Variants in CREB5 observed in about 807,000 individuals in gnomAD.
CREB5 encodes the protein cyclic AMP-responsive element-binding protein 5.
Under a neutral mutation model 57.1 loss-of-function variants are expected in CREB5, and 19 were observed. The observed-to-expected ratio is 0.33, with a 90% CI of 0.23 to 0.49. The LOEUF is 0.49. Among genes scored for constraint, CREB5 ranks in the 20% least tolerant of loss-of-function variants. The pLI, the probability that CREB5 is intolerant of heterozygous loss-of-function variation, is 0.99. For missense variants in CREB5, 579 were observed against 671.6 expected (o/e 0.86, Z 1.52); for synonymous variants, 238 against 238.3 (o/e 1.00, Z 0.01).
intron 4 of CREB5, among the ~76,000 whole-genome samples, chr7:28,531,184 T>C (rs1208537567): frequency 6.6e-6 from 1 of 152,122 alleles, no homozygotes; most frequent in Non-Finnish European, 1.5e-5. Context: ...TTTTTTTCTT[T>C]TCATCTCTTA....
chr7:28,590,602 C>A (rs1796467632), intron 5 of CREB5, among the ~76,000 whole-genome samples: 1 of 151,218 alleles, frequency 6.6e-6, no homozygotes, highest in Admixed American at 6.6e-5. Context: ...GGGTGCAGCA[C>A]ACGAACATGC....
intron 4 of CREB5, among the ~76,000 whole-genome samples, chr7:28,517,543 G>T (rs373658717): frequency 4.6e-4 from 70 of 152,304 alleles, no homozygotes; most frequent in South Asian, 4.0e-3. Context: ...ACTTAGGAAA[G>T]TTGATCAAAC....
At chr7:28,598,943 G>C (rs1796803579) in intron 5 of CREB5, among the ~76,000 whole-genome samples, 1 of 152,118 alleles carries the variant, frequency 6.6e-6, no homozygotes, top group Non-Finnish European at 1.5e-5. Flanking sequence ...CTTGCAACAG[G>C]CAAAATGAAA....
chr7:28,657,715 T>G (rs1170720278), intron 5 of CREB5, among the ~76,000 whole-genome samples: 3 of 33,074 alleles, frequency 9.1e-5, no homozygotes, highest in African/African-American at 3.8e-4. Flanking sequence ...AGACTCTCTC[T>G]CGAAAAAAAA....
chr7:28,467,107 G>C (rs908295068), intron 1 of CREB5, among the ~76,000 whole-genome samples: 1 of 152,210 alleles, frequency 6.6e-6, no homozygotes, highest in Non-Finnish European at 1.5e-5. Flanking sequence ...CTACTACCCA[G>C]TGCCCAGCAG....
chr7:28,779,008 C>CAAAG (rs1562635012), intron 7 of CREB5: 1 of 152,194 alleles, frequency 6.6e-6, no homozygotes. Context: ...TGCAATCTTA[C>CAAAG]AAAGAGCTTC....
intron 5 of CREB5, among the ~76,000 whole-genome samples, chr7:28,716,161 A>G (rs1802674493): frequency 6.6e-6 from 1 of 152,000 alleles, no homozygotes. Flanking sequence ...TTTATTTTTT[A>G]GTAGGCAATC....
At chr7:28,741,623 G>A (rs867666733) in intron 7 of CREB5, among the ~76,000 whole-genome samples, 1 of 152,058 alleles carries the variant, frequency 6.6e-6, no homozygotes, top group Non-Finnish European at 1.5e-5. Flanking sequence ...CATGATCTTC[G>A]TCATGACTGT....
At position 28,371,314 on chromosome 7, in the gene CREB5, CAAA is replaced by C. The variant is rs575263235; in HGVS notation, c.-25+71879_-25+71881del. Among the ~76,000 whole-genome samples, 6 of 151,088 alleles carry C rather than the reference CAAA, an allele frequency of 4.0e-5. No homozygotes were observed. In the South Asian group the frequency reaches 1.3e-3, roughly 32 times the overall value. ...TGAAAGCCCATCTCTACTAAAAATA[CAAA>C]AAAAAGTAAATAAATAAAAATAAAA... On this transcript the variant is annotated intron_variant, in intron 1 of 9. Coordinates refer to the CREB5 transcript ENST00000396299.
At position 28,530,747 on chromosome 7, in the gene CREB5, A is replaced by G. The variant is rs11979534; in HGVS notation, c.291+23010A>G. ...GTTGTGATGGCCCAAGTAGAAGCGC[A>G]AGTGTGTCTCAAAATAAACAAGCAG... On this transcript the variant is annotated intron_variant, in intron 4 of 10. Coordinates refer to ENST00000357727, the MANE Select transcript of CREB5 (RefSeq NM_182898.4). Among the ~76,000 whole-genome samples, 316 of 152,264 alleles carry G rather than the reference A, an allele frequency of 2.1e-3. 1 individual carries two copies. Among genetic ancestry groups the G allele is most frequent in the African/African-American group, 7.2e-3 (300 of 41,536 alleles).
At chr7:28,657,034 G>A (rs1799358348) in intron 5 of CREB5, among the ~76,000 whole-genome samples, 1 of 152,084 alleles carries the variant, frequency 6.6e-6, no homozygotes. Context: ...AATTTCAAGT[G>A]ATTAGGTGCA....
intron 5 of CREB5, among the ~76,000 whole-genome samples, chr7:28,582,502 T>C (rs1004245772): frequency 2.0e-5 from 3 of 152,210 alleles, no homozygotes; most frequent in Non-Finnish European, 4.4e-5. Context: ...AAGCTTGTTT[T>C]CAAGGTGTTT....
Position 28,820,248 on chromosome 7 carries a change from C to G in CREB5, c.*969C>G, listed in dbSNP as rs1251627047. The G allele has an allele frequency of 1.3e-5, 2 of 152,522 alleles. No individual in the cohort carries two copies. The highest frequency in any genetic ancestry group is 2.9e-5 in the Non-Finnish European group (2 of 68,026). 9.4% of individuals were successfully genotyped at this position (152,522 alleles called of 1,614,324 possible). ...CTTTGTAAGCCTTGATTGCGAAAGT[C>G]CAAATTTTGATGTGGGGCTATAACA... On this transcript the variant is annotated 3_prime_UTR_variant, in exon 11 of 11. Coordinates refer to ENST00000357727, the MANE Select transcript of CREB5 (RefSeq NM_182898.4).
In CREB5 at chr7:28,726,527, GA is replaced by G. The variant is rs3216231; in HGVS notation, c.702+2205del. Among the ~76,000 whole-genome samples the G allele has an allele frequency of 8.1e-5, 12 of 149,048 alleles. No individual in the cohort carries two copies. In the South Asian group the frequency reaches 8.5e-4, roughly 11 times the overall value. On this transcript the variant is annotated intron_variant, in intron 7 of 10. Coordinates refer to ENST00000357727, the MANE Select transcript of CREB5 (RefSeq NM_182898.4). ...TTTTACGAAATACAAAGTAGTGAAG[GA>G]AAAAAAAAACTTGCACGATTTTAAT...
chr7:28,311,018 G>C (rs1785266430), intron 1 of CREB5, among the ~76,000 whole-genome samples: 1 of 151,794 alleles, frequency 6.6e-6, no homozygotes, highest in Non-Finnish European at 1.5e-5. Context: ...TTTAGGCCAG[G>C]CACCGTGGCT....
intron 5 of CREB5, among the ~76,000 whole-genome samples, chr7:28,588,378 T>G (rs547689407): frequency 1.3e-5 from 2 of 152,314 alleles, no homozygotes; most frequent in Non-Finnish European, 2.9e-5. Context: ...AAGCAGAAAT[T>G]GTGCTTTATT....
intron 5 of CREB5, among the ~76,000 whole-genome samples, chr7:28,627,301 C>T: frequency 6.6e-6 from 1 of 152,202 alleles, no homozygotes; most frequent in East Asian, 1.9e-4. Context: ...CAACTTGGGA[C>T]CTTGATTCCT....
chr7:28,495,096 G>C, intron 3 of CREB5, 97 bp downstream of exon 3: 1 of 734,774 alleles, frequency 1.4e-6, no homozygotes, highest in African/African-American at 1.8e-5. Flanking sequence ...CTGGTAAATT[G>C]TGCACCTTGA....
chr7:28,377,947 A>AAG (rs1554309948), intron 1 of CREB5, among the ~76,000 whole-genome samples: 1 of 144,774 alleles, frequency 6.9e-6, no homozygotes, highest in East Asian at 2.0e-4. Flanking sequence ...AAAAAAAAAC[A>AAG]AAAAAGAAAA....
Sources: gnomAD v4.1 joint callset for allele counts (sites outside exome capture counted in the v4.1 genomes callset) on GRCh38, gnomAD v4.1.1 for gene constraint, MANE v1.5 for transcripts, NCBI Gene and HGNC (gene_info 2026-07-23, HGNC 2026-07-21) for gene names.